Variants in ZNF439 observed in about 807,000 individuals in gnomAD.
The protein encoded by ZNF439 is zinc finger protein 439.
ZNF439 carries 40 observed loss-of-function variants against 47.3 expected under a neutral mutation model. The observed-to-expected ratio is 0.85, with a 90% confidence interval of 0.66 to 1.10. The LOEUF (loss-of-function observed/expected upper bound fraction) is 1.10, where lower values mean the gene tolerates loss of function less well. Ranked by LOEUF, ZNF439 falls within the 50% of genes least tolerant of loss-of-function variation. ZNF439 has a pLI of 0.00. For missense variants in ZNF439, 556 were observed against 601.1 expected (o/e 0.93, Z 0.78); for synonymous variants, 171 against 198.8 (o/e 0.86, Z 1.18).
intron 1 of ZNF439, chr19:11,856,675 C>A (rs984217321): frequency 6.6e-6 from 1 of 152,246 alleles, no homozygotes; most frequent in African/African-American, 2.4e-5. Context: ...GACAGGCTTG[C>A]GCCATAGTTC....
At chr19:11,864,411 C>T (rs926798639) in intron 1 of ZNF439, among the ~76,000 whole-genome samples, 4 of 152,148 alleles carry the variant, frequency 2.6e-5, no homozygotes, top group African/African-American at 9.7e-5. Context: ...GATTCTCCCA[C>T]CTCAGCCTTC....
At chr19:11,863,131 G>C (rs1337454935) in intron 1 of ZNF439, among the ~76,000 whole-genome samples, 1 of 149,992 alleles carries the variant, frequency 6.7e-6, no homozygotes, top group African/African-American at 2.4e-5. Context: ...TTTAGAGAGA[G>C]GTATGCTTGG....
Position 11,868,243 on chromosome 19 carries a change from A to C in ZNF439, c.1189A>C (p.Thr397Pro), listed in dbSNP as rs751632741. ...YKCKQCGKAF[T>P]RSGSFRYHER... The stretch of plus-strand genomic sequence containing the variant: ...ATGCAAGCAATGTGGTAAAGCCTTC[A>C]CTCGTTCCGGTTCCTTTCGATATCA... The change falls in exon 4 of 4, where the codon ACT becomes CCT. Residue 397 changes from threonine to proline, a missense_variant. Transcript: ENST00000682736. 6.2e-7 allele frequency: 1 copy of C among 1,613,648 alleles called. No homozygotes were observed. Among genetic ancestry groups the C allele is most frequent in the Non-Finnish European group, 8.5e-7 (1 of 1,179,932 alleles).
intron 1 of ZNF439, among the ~76,000 whole-genome samples, chr19:11,863,665 G>T (rs62110838): frequency 0.19 from 28,697 of 152,118 alleles, 3,668 homozygotes; most frequent in Non-Finnish European, 0.27. Context: ...CTCACTCACA[G>T]ATCATGTTTT....
intron 1 of ZNF439, among the ~76,000 whole-genome samples, chr19:11,860,022 T>C (rs984209430): frequency 6.6e-6 from 1 of 152,148 alleles, no homozygotes; most frequent in Admixed American, 6.5e-5. Flanking sequence ...CCCATTTTAA[T>C]CCTTCACCTG....
intron 1 of ZNF439, among the ~76,000 whole-genome samples, chr19:11,861,095 C>T (rs574980920): frequency 1.3e-4 from 20 of 152,296 alleles, no homozygotes; most frequent in East Asian, 1.9e-4. Context: ...TCCAAATATA[C>T]GGGATGCAGG....
chr19:11,866,097 A>G (rs949117931), intron 1 of ZNF439, 108 bp from the exon 2 acceptor site: 2 of 1,562,128 alleles, frequency 1.3e-6, no homozygotes, highest in East Asian at 4.5e-5. Flanking sequence ...AAAGCAGGGA[A>G]TAAATGTTTG....
At chr19:11,855,243 C>CAA (rs1976353592) in intron 1 of ZNF439, among the ~76,000 whole-genome samples, 2 of 152,176 alleles carry the variant, frequency 1.3e-5, no homozygotes, top group Non-Finnish European at 2.9e-5. Context: ...ACCTTTAGGT[C>CAA]CCCAATCCAC....
chr19:11,855,323 T>C (rs181162917), intron 1 of ZNF439, among the ~76,000 whole-genome samples: 242 of 152,302 alleles, frequency 1.6e-3, no homozygotes, highest in African/African-American at 5.5e-3. Flanking sequence ...GGGTAGGAAC[T>C]ATGGAAGGGA....
Position 11,868,057 on chromosome 19 carries a change from C to T in ZNF439, c.1003C>T (p.Gln335Ter). 1 of 1,614,120 alleles carries T rather than the reference C, an allele frequency of 6.2e-7. No individual in the cohort carries two copies. Among genetic ancestry groups the T allele is most frequent in the Non-Finnish European group, 8.5e-7 (1 of 1,180,020 alleles). The change falls in exon 4 of 4, where the codon CAG (glutamine) becomes TAG (stop). Residue 335 changes from glutamine to a stop codon, truncating the protein, a stop_gained. Transcript: ENST00000682736. LOFTEE classifies it high-confidence loss of function. Reference protein sequence around the residue: ...HSRKKLYECKQCGKALSSLTS... With the variant: ...HSRKKLYECK Reference sequence around the variant, plus strand: ...TAGGAAAAAACTTTATGAATGTAAGCAGTGTGGGAAAGCATTATCCTCTCT... The same window carrying T: ...TAGGAAAAAACTTTATGAATGTAAGTAGTGTGGGAAAGCATTATCCTCTCT...
intron 1 of ZNF439, among the ~76,000 whole-genome samples, chr19:11,852,173 C>G (rs1434743152): frequency 1.3e-5 from 2 of 152,116 alleles, no homozygotes; most frequent in African/African-American, 4.8e-5. Flanking sequence ...CACCTGTAAC[C>G]CCAGCACTTT....
intron 2 of ZNF439, 83 bp from the exon 3 acceptor site, chr19:11,866,454 G>C: frequency 6.2e-7 from 1 of 1,601,356 alleles, no homozygotes; most frequent in Non-Finnish European, 8.5e-7. Flanking sequence ...AGGCATGGCT[G>C]CTGTAAATCA....
intron 1 of ZNF439, among the ~76,000 whole-genome samples, chr19:11,860,212 C>A (rs1006536291): frequency 6.6e-6 from 1 of 151,978 alleles, no homozygotes; most frequent in Non-Finnish European, 1.5e-5. Flanking sequence ...GAGGCCGAGG[C>A]GGGTGGATCA....
At chr19:11,854,274 A>G (rs1976326080) in intron 1 of ZNF439, among the ~76,000 whole-genome samples, 1 of 152,234 alleles carries the variant, frequency 6.6e-6, no homozygotes, top group Non-Finnish European at 1.5e-5. Context: ...GTACATCACA[A>G]CAGAAGTTTT....
intron 1 of ZNF439, 55 bp from the exon 2 acceptor site, chr19:11,866,150 G>T (rs772127898): frequency 1.2e-6 from 2 of 1,611,066 alleles, no homozygotes; most frequent in Admixed American, 1.7e-5. Flanking sequence ...TAGAGTCTAG[G>T]CCCCCAATGC....
At chr19:11,856,856 T>C (rs1244922232) in intron 1 of ZNF439, 1 of 152,220 alleles carries the variant, frequency 6.6e-6, no homozygotes, top group Non-Finnish European at 1.5e-5. Flanking sequence ...ATATGAGAAA[T>C]ATGTAAAGGA....
At position 11,868,443 on chromosome 19, in the gene ZNF439, G is replaced by T. The variant is rs771196023; in HGVS notation, c.1389G>T (p.Arg463Ser). 5.0e-6 allele frequency: 8 copies of T among 1,613,472 alleles called. No homozygotes were observed. The South Asian group carries it at 6.6e-5, about 13-fold the overall frequency. Residue 463 changes from arginine to serine, a missense_variant, in exon 4 of 4, where the codon AGG becomes AGT. Coordinates refer to ENST00000682736, the MANE Select transcript of ZNF439 (RefSeq NM_001348719.2). ...RSASQLRIHR[R>S]IHTGEKPYEC... The stretch of plus-strand genomic sequence containing the variant: ...CCTCACAACTTCGAATCCATCGTAG[G>T]ATTCACACTGGAGAGAAACCCTATG...
At position 11,868,191 on chromosome 19, in the gene ZNF439, A is replaced by T; in HGVS notation, c.1137A>T (p.Lys379Asn). ...CCAAGTCATTTCAAAGACATGAAAA[A>T]ACTCACAGTGGAGAGAAACCGTATA... ...YSAKSFQRHE[K>N]THSGEKPYKC... Residue 379 changes from lysine to asparagine, a missense_variant, in exon 4 of 4, where the codon AAA becomes AAT. Transcript: ENST00000682736. The T allele has an allele frequency of 6.2e-7, 1 of 1,613,912 alleles. No individual in the cohort carries two copies. Among genetic ancestry groups the T allele is most frequent in the South Asian group, 1.1e-5 (1 of 91,078 alleles).
intron 1 of ZNF439, among the ~76,000 whole-genome samples, chr19:11,853,647 T>A (rs1430514124): frequency 2.0e-5 from 3 of 152,164 alleles, no homozygotes; most frequent in Admixed American, 6.5e-5. Flanking sequence ...CAGTTCACTG[T>A]TTATCATATA....
Sources: allele counts gnomAD v4.1 joint callset (sites outside exome capture counted in the v4.1 genomes callset), GRCh38; gene constraint gnomAD v4.1.1; transcripts MANE v1.5; gene names NCBI Gene and HGNC (gene_info 2026-07-23, HGNC 2026-07-21).